Variants in TNFAIP8 observed in about 807,000 individuals in gnomAD.
TNFAIP8 encodes the protein tumor necrosis factor alpha-induced protein 8.
In TNFAIP8, 7 loss-of-function variants were observed where a neutral mutation model predicts 13.3. That is an observed-to-expected ratio of 0.52 (90% CI 0.30 to 0.99). The LOEUF (loss-of-function observed/expected upper bound fraction) is 0.99, where lower values mean the gene tolerates loss of function less well. Among genes scored for constraint, TNFAIP8 ranks in the 50% least tolerant of loss-of-function variants. TNFAIP8 has a pLI of 0.07. For synonymous variants in TNFAIP8, 94 were observed against 87.6 expected (o/e 1.07, Z -0.41); for missense variants, 258 against 236.9 (o/e 1.09, Z -0.58).
intron 1 of TNFAIP8, among the ~76,000 whole-genome samples, chr5:119,387,318 TAACA>T (rs902874569): frequency 1.2e-4 from 19 of 152,234 alleles, no homozygotes; most frequent in African/African-American, 4.6e-4. Flanking sequence ...GAACTTTTAT[TAACA>T]GACAACAGCC....
chr5:119,272,052 A>G (rs931793296), intron 1 of TNFAIP8, among the ~76,000 whole-genome samples: 20 of 152,232 alleles, frequency 1.3e-4, no homozygotes, highest in African/African-American at 4.8e-4. Flanking sequence ...GTAAAAAACA[A>G]AAACAGAGAA....
At chr5:119,389,253 A>G (rs1332676456) in intron 1 of TNFAIP8, among the ~76,000 whole-genome samples, 1 of 150,112 alleles carries the variant, frequency 6.7e-6, no homozygotes, top group East Asian at 2.0e-4. Flanking sequence ...AGTTTTGCAT[A>G]TGGTAAATTT....
At position 119,303,573 on chromosome 5, in the gene TNFAIP8, A is replaced by G. The variant is rs572888602; in HGVS notation, c.1+34666A>G. Among the ~76,000 whole-genome samples the G allele has an allele frequency of 2.3e-3, 351 of 152,280 alleles. 1 individual carries two copies. Among genetic ancestry groups the G allele is most frequent in the African/African-American group, 7.6e-3 (315 of 41,544 alleles). ...ATTTGGGTAGAAGTGGGTGTAGTAG[A>G]TCCAAAAAGATGTGTAATGGCATAT... is the stretch of plus-strand genomic sequence containing the variant. On this transcript the variant is annotated intron_variant, in intron 1 of 1. Coordinates refer to the TNFAIP8 transcript ENST00000274456.
chr5:119,391,072 C>T (rs1369876933), intron 1 of TNFAIP8, among the ~76,000 whole-genome samples: 11 of 150,304 alleles, frequency 7.3e-5, no homozygotes, highest in African/African-American at 2.7e-4. Context: ...CTCAAGTGAT[C>T]CTCTCCCTAC....
intron 1 of TNFAIP8, among the ~76,000 whole-genome samples, chr5:119,302,898 CCA>C (rs1192831391): frequency 6.6e-6 from 1 of 152,136 alleles, no homozygotes; most frequent in Non-Finnish European, 1.5e-5. Flanking sequence ...TTGAGATTTC[CCA>C]TTCCTGAGTG....
intron 1 of TNFAIP8, chr5:119,306,314 C>CTTTTT (rs1324521590): frequency 9.6e-5 from 13 of 135,926 alleles, no homozygotes; most frequent in African/African-American, 3.7e-4. Flanking sequence ...TTCTTTCTTT[C>CTTTTT]TTTCTTTTTC....
chr5:119,374,594 G>A lies in TNFAIP8; in HGVS notation c.32-18222G>A, dbSNP rs1021019851. ...CTTCTAGCTCAGCTTGGTTGCCAGCGCAGGGAACAGAGGGCTGTAGCTCTT... is the reference window on the plus strand; with the variant it reads ...CTTCTAGCTCAGCTTGGTTGCCAGCACAGGGAACAGAGGGCTGTAGCTCTT... On this transcript the variant is annotated intron_variant, in intron 1 of 1. Transcript: ENST00000504771. 6.6e-5 allele frequency among the ~76,000 whole-genome samples: 10 copies of A among 152,322 alleles called. No individual in the cohort carries two copies. In the East Asian group the frequency reaches 7.7e-4, roughly 12 times the overall value.
At chr5:119,301,124 C>T (rs868617574) in intron 1 of TNFAIP8, among the ~76,000 whole-genome samples, 1 of 152,222 alleles carries the variant, frequency 6.6e-6, no homozygotes, top group African/African-American at 2.4e-5. Context: ...ACTTGCCACC[C>T]AGTTGCATTA....
At chr5:119,351,297 G>T (rs1415736240), upstream of TNFAIP8, among the ~76,000 whole-genome samples, 1 of 152,090 alleles carries the variant, frequency 6.6e-6, no homozygotes, top group African/African-American at 2.4e-5. Context: ...AAAGTGCTGG[G>T]ATTAAATTCA....
intron 1 of TNFAIP8, among the ~76,000 whole-genome samples, chr5:119,301,763 A>T (rs10519579): frequency 0.13 from 19,700 of 152,216 alleles, 3,361 homozygotes; most frequent in African/African-American, 0.4. Flanking sequence ...ACCTGGAAGT[A>T]TTAAGGCACA....
chr5:119,286,033 C>A (rs942532811), intron 1 of TNFAIP8, among the ~76,000 whole-genome samples: 1 of 151,988 alleles, frequency 6.6e-6, no homozygotes, highest in Non-Finnish European at 1.5e-5. Flanking sequence ...AAAAGTTTAA[C>A]TTTTTATTTT....
chr5:119,331,234 CTT>C (rs59808410), intron 1 of TNFAIP8, among the ~76,000 whole-genome samples: 3,017 of 141,172 alleles, frequency 0.021, 53 homozygotes, highest in Middle Eastern at 0.077. Flanking sequence ...GAGATATTAG[CTT>C]TTTTTTTTTT....
intron 1 of TNFAIP8, among the ~76,000 whole-genome samples, chr5:119,300,138 C>T (rs1274986468): frequency 6.6e-6 from 1 of 152,222 alleles, no homozygotes; most frequent in East Asian, 1.9e-4. Flanking sequence ...CACTATCTGG[C>T]ACTCCCTAAT....
At chr5:119,297,400 A>G (rs991598194) in intron 1 of TNFAIP8, among the ~76,000 whole-genome samples, 3 of 152,084 alleles carry the variant, frequency 2.0e-5, no homozygotes, top group African/African-American at 4.8e-5. Flanking sequence ...TTCAGTTTCC[A>G]TGTAGTTGAG....
At chr5:119,364,036 C>G (rs1751734740) in intron 1 of TNFAIP8, among the ~76,000 whole-genome samples, 1 of 152,168 alleles carries the variant, frequency 6.6e-6, no homozygotes, top group South Asian at 2.1e-4. Flanking sequence ...GCTTCCATGC[C>G]TTGTCCAGGC....
At chr5:119,287,626 G>A (rs543844093) in intron 1 of TNFAIP8, among the ~76,000 whole-genome samples, 1 of 152,132 alleles carries the variant, frequency 6.6e-6, no homozygotes, top group Non-Finnish European at 1.5e-5. Context: ...GCCCCTGGCA[G>A]CTGCTGTTCT....
intron 1 of TNFAIP8, among the ~76,000 whole-genome samples, chr5:119,359,683 G>C (rs1339434502): frequency 6.6e-6 from 1 of 152,172 alleles, no homozygotes; most frequent in African/African-American, 2.4e-5. Flanking sequence ...TGGTGTGGCA[G>C]CTTATATAAT....
At chr5:119,378,252 A>G (rs987201294) in intron 1 of TNFAIP8, among the ~76,000 whole-genome samples, 5 of 152,182 alleles carry the variant, frequency 3.3e-5, no homozygotes, top group Admixed American at 2.0e-4. Context: ...AGGGGTAACA[A>G]CCACTTCACA....
chr5:119,281,553 A>G (rs1202075507), intron 1 of TNFAIP8, among the ~76,000 whole-genome samples: 1 of 152,196 alleles, frequency 6.6e-6, no homozygotes, highest in Non-Finnish European at 1.5e-5. Flanking sequence ...GTCTCCAAAT[A>G]ATGACATTAA....
Sources: gnomAD v4.1 joint callset for allele counts (sites outside exome capture counted in the v4.1 genomes callset) on GRCh38, gnomAD v4.1.1 for gene constraint, MANE v1.5 for transcripts, NCBI Gene and HGNC (gene_info 2026-07-23, HGNC 2026-07-21) for gene names.